Variants in CUBN observed in about 807,000 individuals in gnomAD.
The protein encoded by CUBN is 460 kDa receptor.
CUBN carries 282 observed loss-of-function variants against 405.3 expected under a neutral mutation model. That is an observed-to-expected ratio of 0.70 (90% CI 0.63 to 0.77). The LOEUF is 0.77. Ranked by LOEUF, CUBN falls within the 30% of genes least tolerant of loss-of-function variation. The pLI is 0.00. For synonymous variants in CUBN, 1,684 were observed against 1,617.0 expected (o/e 1.04, Z -0.99); for missense variants, 4,514 against 4,475.2 (o/e 1.01, Z -0.25).
chr10:17,030,780 G>T (rs953823174), intron 27 of CUBN, among the ~76,000 whole-genome samples: 1 of 152,084 alleles, frequency 6.6e-6, no homozygotes, highest in Non-Finnish European at 1.5e-5. Context: ...TTAGCCAGGT[G>T]TGGTGGTGGG....
In CUBN at chr10:17,068,104, A is replaced by C. The variant is rs1191907503; in HGVS notation, c.2968T>G (p.Leu990Val). ...TCAGAGTCGGTGTCATAAACTTCCA[A>C]GTAGTCGTTTGTGCAATTGTAATGA... is the stretch of plus-strand genomic sequence containing the variant. ...EFHYNCTNDY[L>V]EVYDTDSETS... The change falls in exon 21 of 67, where the codon TTG becomes GTG. Residue 990 changes from leucine to valine, a missense_variant. This residue lies in a region of CUBN where 1,448 missense variants were observed against 1,388.0 expected (regional missense o/e 1.04). Coordinates refer to ENST00000377833, the MANE Select transcript of CUBN (RefSeq NM_001081.4). The C allele has an allele frequency of 1.2e-6, 2 of 1,613,490 alleles. No individual in the cohort carries two copies. Among genetic ancestry groups the C allele is most frequent in the Non-Finnish European group, 1.7e-6 (2 of 1,179,520 alleles).
chr10:17,098,734 G>T (rs1008635412), intron 14 of CUBN, among the ~76,000 whole-genome samples: 5 of 151,982 alleles, frequency 3.3e-5, no homozygotes, highest in Non-Finnish European at 7.4e-5. Context: ...AATGTATATG[G>T]AATCAAAATC....
intron 10 of CUBN, 120 bp downstream of exon 10, chr10:17,109,514 ATTAATT>A: frequency 1.3e-6 from 1 of 761,538 alleles, no homozygotes; most frequent in Non-Finnish European, 2.3e-6. Context: ...TATGGCATGG[ATTAATT>A]TTAGGTTTGA....
intron 13 of CUBN, among the ~76,000 whole-genome samples, chr10:17,101,832 G>T (rs951069954): frequency 1.3e-5 from 2 of 152,078 alleles, no homozygotes; most frequent in African/African-American, 2.4e-5. Context: ...ATGGCACTAG[G>T]CTCTGTTTCC....
chr10:16,954,390 T>C lies in CUBN; in HGVS notation c.4854A>G (p.Gln1618=), dbSNP rs1208391390. The C allele has an allele frequency of 6.2e-7, 1 of 1,614,120 alleles. No homozygotes were observed. Among genetic ancestry groups the C allele is most frequent in the South Asian group, 1.1e-5 (1 of 91,076 alleles). Residue 1618 remains glutamine, a splice_region_variant and synonymous_variant, in exon 32 of 67, where the codon CAA becomes CAG. Transcript: ENST00000377833. ...TGGGAAGATCCACAGGGTACTTGCC[T>C]TGCCTGAATTGAGCTCGGAAGCCTC... ...QNRGFRAQFR[Q]ACGGHILTSS...
At chr10:16,889,755 A>G (rs1349906937) in intron 55 of CUBN, among the ~76,000 whole-genome samples, 2 of 151,346 alleles carry the variant, frequency 1.3e-5, no homozygotes, top group Non-Finnish European at 2.9e-5. Flanking sequence ...AAAAAAAATT[A>G]GCTGGGCATG....
At position 17,056,830 on chromosome 10, in the gene CUBN, T is replaced by G. The variant is rs941185809; in HGVS notation, c.3139+8678A>C. Reference sequence around the variant, plus strand: ...TTATCTGGCAAAGGACGTATTTGTATGCAGAATATACAACATATGACTCAT... The same window carrying G: ...TTATCTGGCAAAGGACGTATTTGTAGGCAGAATATACAACATATGACTCAT... On this transcript the variant is annotated intron_variant, in intron 22 of 66. Coordinates refer to ENST00000377833, the MANE Select transcript of CUBN (RefSeq NM_001081.4). 3.9e-5 allele frequency among the ~76,000 whole-genome samples: 6 copies of G among 151,958 alleles called. 1 individual carries two copies. In the South Asian group the frequency reaches 1.2e-3, roughly 32 times the overall value.
At chr10:17,041,292 TA>T (rs945634681) in intron 26 of CUBN, 72 bp from the exon 27 acceptor site, 158 of 1,235,808 alleles carry the variant, frequency 1.3e-4, no homozygotes, top group Middle Eastern at 3.8e-4. Flanking sequence ...GATTTTCCTT[TA>T]AAAAAAATAA....
At chr10:16,995,873 A>G (rs1833719658) in intron 28 of CUBN, among the ~76,000 whole-genome samples, 1 of 152,348 alleles carries the variant, frequency 6.6e-6, no homozygotes, top group African/African-American at 2.4e-5. Context: ...TTTGAAATTA[A>G]TCATGACAAC....
At chr10:16,890,055 G>A (rs1840956865) in intron 55 of CUBN, among the ~76,000 whole-genome samples, 1 of 152,068 alleles carries the variant, frequency 6.6e-6, no homozygotes. Context: ...TTGTGGTCAA[G>A]GTGCCACAGG....
intron 17 of CUBN, among the ~76,000 whole-genome samples, chr10:17,078,644 A>G (rs980740321): frequency 6.6e-6 from 1 of 152,168 alleles, no homozygotes; most frequent in African/African-American, 2.4e-5. Flanking sequence ...GGTTTGATAA[A>G]TATTTAGAGA....
chr10:16,901,881 C>G (rs1841381787), intron 51 of CUBN, among the ~76,000 whole-genome samples: 1 of 89,588 alleles, frequency 1.1e-5, no homozygotes, highest in African/African-American at 4.3e-5. Flanking sequence ...ATATATACAC[C>G]ATATATAGTA....
chr10:16,872,360 A>ATATATATAT (rs1178299857), intron 58 of CUBN, among the ~76,000 whole-genome samples: 3 of 151,474 alleles, frequency 2.0e-5, no homozygotes, highest in African/African-American at 7.3e-5. Flanking sequence ...ATATATATAT[A>ATATATATAT]GATAGATAGA....
At chr10:16,966,204 G>C (rs1286243665) in intron 31 of CUBN, among the ~76,000 whole-genome samples, 1 of 152,162 alleles carries the variant, frequency 6.6e-6, no homozygotes, top group Non-Finnish European at 1.5e-5. Context: ...CAAGTGGTTG[G>C]CATCTGTCCT....
intron 17 of CUBN, among the ~76,000 whole-genome samples, chr10:17,073,444 CTT>C (rs11349387): frequency 0.019 from 2,054 of 109,824 alleles, 24 homozygotes; most frequent in African/African-American, 0.07. Context: ...ATAACCAGCT[CTT>C]TTTTTTTTTT....
rs1218450597 is a variant in CUBN at position 17,127,844 on chromosome 10, A to G, written c.333T>C (p.Tyr111=). Residue 111 remains tyrosine (Y), a synonymous_variant, in exon 3 of 67, where the codon TAT becomes TAC. Coordinates refer to ENST00000377833, the MANE Select transcript of CUBN (RefSeq NM_001081.4). ...TCAGACTTACCTTGGAATTAAGCTG[A>G]TAGATTTGACTAGATATATTTTGAG... is the stretch of plus-strand genomic sequence containing the variant. ...GLPQNISSQI[Y]QLNSKLVDLE... is the part of the protein sequence containing the mutation. The G allele has an allele frequency of 6.2e-7, 1 of 1,611,736 alleles. No individual in the cohort carries two copies. The highest frequency in any genetic ancestry group is 8.5e-7 in the Non-Finnish European group (1 of 1,177,986).
rs753513362 is a variant in CUBN at position 17,105,539 on chromosome 10, G to A, written c.1148C>T (p.Thr383Ile). The A allele has an allele frequency of 6.2e-6, 10 of 1,611,220 alleles. No homozygotes were observed. The highest frequency in any genetic ancestry group is 3.3e-5 in the Admixed American group (2 of 59,992). ...LPLCTCLPGY[T>I]GNGYGPNGCV... is the part of the protein sequence containing the mutation. ...TCCATTTGGCCCATAACCATTTCCA[G>A]TATAACCCGGGAGACACGTGCAGAG... Residue 383 changes from threonine to isoleucine, a missense_variant, in exon 11 of 67, where the codon ACT (threonine) becomes ATT (isoleucine). Physicochemically the swap from Thr to Ile is moderately conservative, Grantham distance 89. This residue lies in a region of CUBN where 1,448 missense variants were observed against 1,388.0 expected (regional missense o/e 1.04). Coordinates refer to ENST00000377833, the MANE Select transcript of CUBN (RefSeq NM_001081.4).
intron 60 of CUBN, among the ~76,000 whole-genome samples, chr10:16,841,830 T>C (rs1294369733): frequency 2.8e-5 from 4 of 144,142 alleles, no homozygotes; most frequent in Non-Finnish European, 6.0e-5. Flanking sequence ...GGAGAATAAC[T>C]TGAATCTAGG....
At chr10:16,986,506 G>A (rs1833430736) in intron 29 of CUBN, among the ~76,000 whole-genome samples, 1 of 152,136 alleles carries the variant, frequency 6.6e-6, no homozygotes, top group Non-Finnish European at 1.5e-5. Context: ...TGAATGAAAC[G>A]GCTGTTACAC....
Sources: gnomAD v4.1 joint callset for allele counts (sites outside exome capture counted in the v4.1 genomes callset) on GRCh38, gnomAD v4.1.1 for gene constraint, gnomAD v4.1.1 regional missense constraint, MANE v1.5 for transcripts, NCBI Gene and HGNC (gene_info 2026-07-23, HGNC 2026-07-21) for gene names.